Variants in LBP observed in about 807,000 individuals in gnomAD.
LBP encodes lipopolysaccharide binding protein, also known as lipopolysaccharide-binding protein.
A neutral mutation model predicts 56.6 loss-of-function variants in LBP; 53 were observed. That is an observed-to-expected ratio of 0.94 (90% CI 0.75 to 1.18). The LOEUF (loss-of-function observed/expected upper bound fraction) is 1.18. Ranked by LOEUF, LBP falls within the 50% of genes most tolerant of loss-of-function variation. The pLI, the probability that LBP is intolerant of heterozygous loss-of-function variation, is 0.00. For synonymous variants in LBP, 227 were observed against 247.5 expected (o/e 0.92, Z 0.78); for missense variants, 601 against 598.3 (o/e 1.00, Z -0.05).
chr20:38,362,544 C>T (rs1040961651), intron 6 of LBP, among the ~76,000 whole-genome samples: 16 of 150,738 alleles, frequency 1.1e-4, no homozygotes, highest in South Asian at 4.2e-4. Context: ...ACCTGGGAGG[C>T]GGAGTTTGCG....
chr20:38,369,285 C>T (rs2076893420), intron 10 of LBP, 123 bp downstream of exon 10: 1 of 993,818 alleles, frequency 1.0e-6, no homozygotes, highest in African/African-American at 1.6e-5. Context: ...TTAAATATTA[C>T]TTCCCGAGAG....
chr20:38,363,436 G>C (rs1323682157), intron 6 of LBP, among the ~76,000 whole-genome samples: 1 of 152,214 alleles, frequency 6.6e-6, no homozygotes, highest in Non-Finnish European at 1.5e-5. Context: ...TGGATCCAGG[G>C]TGCACACATT....
intron 1 of LBP, among the ~76,000 whole-genome samples, chr20:38,348,978 A>C (rs1054272944): frequency 6.6e-6 from 1 of 151,938 alleles, no homozygotes; most frequent in Non-Finnish European, 1.5e-5. Context: ...ATTTTTTAGC[A>C]GAGATGAAGT....
At chr20:38,371,214 G>A in intron 11 of LBP, 66 bp from the exon 12 acceptor site, 1 of 1,356,056 alleles carries the variant, frequency 7.4e-7, no homozygotes, top group South Asian at 1.2e-5. Flanking sequence ...CTCGCTTCTG[G>A]GGACCCCCGC....
chr20:38,363,737 T>TGTGC (rs1318835077), intron 6 of LBP, among the ~76,000 whole-genome samples: 1 of 151,746 alleles, frequency 6.6e-6, no homozygotes, highest in East Asian at 1.9e-4. Flanking sequence ...TGTGTGTGTG[T>TGTGC]GCTTGTCTGG....
Position 38,346,619 on chromosome 20 carries a change from A to C in LBP, c.103A>C (p.Thr35Pro), listed in dbSNP as rs775472186. 2 of 1,613,524 alleles carry C rather than the reference A, an allele frequency of 1.2e-6. No homozygotes were observed. The highest frequency in any genetic ancestry group is 1.7e-6 in the Non-Finnish European group (2 of 1,179,980). ...CAACCCCGGCTTGGTCGCCAGGATC[A>C]CCGACAAGGGACTGCAGTATGGTAA... ...GANPGLVARI[T>P]DKGLQYAAQE... The change falls in exon 1 of 15, where the codon ACC becomes CCC. Residue 35 changes from threonine (T) to proline (P), a missense_variant. Coordinates refer to ENST00000217407, the MANE Select transcript of LBP (RefSeq NM_004139.5).
chr20:38,373,894 A>AT (rs766587369), intron 13 of LBP, 43 bp from the exon 14 acceptor site: 1 of 1,542,716 alleles, frequency 6.5e-7, no homozygotes, highest in South Asian at 1.1e-5. Context: ...TCTAATTATT[A>AT]TTTATTCACC....
chr20:38,374,784 C>CTT (rs587732305), intron 14 of LBP, among the ~76,000 whole-genome samples: 10,906 of 121,198 alleles, frequency 0.09, 795 homozygotes, highest in South Asian at 0.13. Flanking sequence ...ACCATATATA[C>CTT]TTTTTTTTTT....
At chr20:38,365,738 A>ATT (rs1555845113) in intron 8 of LBP, among the ~76,000 whole-genome samples, 1 of 144,400 alleles carries the variant, frequency 6.9e-6, no homozygotes, top group South Asian at 2.2e-4. Context: ...ATATATATAT[A>ATT]TATATATTTA....
intron 3 of LBP, among the ~76,000 whole-genome samples, chr20:38,351,704 G>C (rs1017215350): frequency 1.3e-5 from 2 of 152,150 alleles, no homozygotes; most frequent in African/African-American, 4.8e-5. Context: ...TCCTCACGTG[G>C]TCTTTCCTCT....
chr20:38,355,173 A>G (rs6127831), intron 4 of LBP, among the ~76,000 whole-genome samples, 173 bp from the exon 5 acceptor site: 40,610 of 152,172 alleles, frequency 0.27, 7,512 homozygotes, highest in African/African-American at 0.53. Context: ...TGCCGCAGGC[A>G]CTGGGAAGCC....
intron 3 of LBP, among the ~76,000 whole-genome samples, chr20:38,352,772 A>G (rs956245316): frequency 2.6e-5 from 4 of 152,276 alleles, no homozygotes; most frequent in Middle Eastern, 3.4e-3. Context: ...TTAATTAATT[A>G]GTTAATTAAA....
intron 6 of LBP, among the ~76,000 whole-genome samples, chr20:38,363,375 C>T (rs748628116): frequency 6.6e-6 from 1 of 152,168 alleles, no homozygotes; most frequent in Non-Finnish European, 1.5e-5. Context: ...GCTTTGCTGT[C>T]CCTTGCTATT....
intron 6 of LBP, among the ~76,000 whole-genome samples, chr20:38,363,651 G>A (rs1452403232): frequency 6.6e-6 from 1 of 152,090 alleles, no homozygotes; most frequent in Admixed American, 6.5e-5. Flanking sequence ...TGACCTTCCT[G>A]GTTATTGGCT....
chr20:38,363,431 C>A (rs1390683996), intron 6 of LBP, among the ~76,000 whole-genome samples: 1 of 152,170 alleles, frequency 6.6e-6, no homozygotes, highest in African/African-American at 2.4e-5. Flanking sequence ...GTCTCTGGAT[C>A]CAGGGTGCAC....
chr20:38,361,544 ACAGGTGCATGCCAC>A lies in LBP; in HGVS notation c.652+780_652+793del, dbSNP rs559513478. Among the ~76,000 whole-genome samples, 6 of 151,966 alleles carry A rather than the reference ACAGGTGCATGCCAC, an allele frequency of 3.9e-5. No individual in the cohort carries two copies. The South Asian group carries it at 1.2e-3, about 32-fold the overall frequency. The stretch of plus-strand genomic sequence containing the variant: ...CTCAGCCACCTGAGTAGCTGGGACT[ACAGGTGCATGCCAC>A]CACACCCGGCTACTTTTTGTATTTT... On this transcript the variant is annotated intron_variant, in intron 6 of 14. Coordinates refer to ENST00000217407, the MANE Select transcript of LBP (RefSeq NM_004139.5).
rs1168231342 is a variant in LBP, at chr20:38,354,320, C to T, written c.405C>T (p.Gly135=). ...LQGSFDVSVK[G]ISISVNLLLG... ...GCTCCTTTGATGTCAGTGTCAAGGG[C>T]ATCAGCATTTCGGTCAACCTCCTGT... is the stretch of plus-strand genomic sequence containing the variant. Residue 135 remains glycine (G), a synonymous_variant, in exon 4 of 15, where the codon GGC becomes GGT. Coordinates refer to ENST00000217407, the MANE Select transcript of LBP (RefSeq NM_004139.5). 6.2e-7 allele frequency: 1 copy of T among 1,613,724 alleles called. No individual in the cohort carries two copies. The highest frequency in any genetic ancestry group is 1.3e-5 in the African/African-American group (1 of 74,928).
intron 14 of LBP, among the ~76,000 whole-genome samples, chr20:38,375,244 C>T (rs1051838616): frequency 6.6e-6 from 1 of 151,256 alleles, no homozygotes; most frequent in Non-Finnish European, 1.5e-5. Context: ...TACTAGTGCT[C>T]ATACCTGTTT....
chr20:38,352,097 A>G (rs1216090418), intron 3 of LBP, among the ~76,000 whole-genome samples: 1 of 152,000 alleles, frequency 6.6e-6, no homozygotes, highest in African/African-American at 2.4e-5. Context: ...TGTATGTCCT[A>G]ATCTCTTTTT....
Sources: gnomAD v4.1 joint callset for allele counts (sites outside exome capture counted in the v4.1 genomes callset) on GRCh38, gnomAD v4.1.1 for gene constraint, MANE v1.5 for transcripts, NCBI Gene and HGNC (gene_info 2026-07-23, HGNC 2026-07-21) for gene names.